Variants in TMEM132D observed in about 807,000 individuals in gnomAD.
TMEM132D encodes mature OL transmembrane protein.
TMEM132D carries 21 observed loss-of-function variants against 62.3 expected under a neutral mutation model. The observed-to-expected ratio is 0.34, with a 90% CI of 0.24 to 0.49. The LOEUF is 0.49. Among genes scored for constraint, TMEM132D ranks in the 20% least tolerant of loss-of-function variants. TMEM132D has a pLI of 0.99. For synonymous variants in TMEM132D, 621 were observed against 575.6 expected (o/e 1.08, Z -1.13); for missense variants, 1,346 against 1,402.8 (o/e 0.96, Z 0.65).
intron 2 of TMEM132D, among the ~76,000 whole-genome samples, chr12:129,607,101 T>C (rs1452966523): frequency 2.6e-5 from 4 of 151,496 alleles, no homozygotes; most frequent in East Asian, 1.9e-4. Flanking sequence ...CACTCTGCAA[T>C]TGGGGAGGGT....
chr12:129,342,636 G>A (rs184284649), intron 3 of TMEM132D, among the ~76,000 whole-genome samples: 4 of 152,148 alleles, frequency 2.6e-5, no homozygotes, highest in East Asian at 3.9e-4. Flanking sequence ...GAGTGAACAG[G>A]CAACCTACAG....
At chr12:129,159,287 T>C (rs1308826271) in intron 5 of TMEM132D, among the ~76,000 whole-genome samples, 3 of 152,096 alleles carry the variant, frequency 2.0e-5, no homozygotes, top group Non-Finnish European at 4.4e-5. Context: ...ACCACATGAG[T>C]GCAAGTGATG....
rs117734035 is a variant in TMEM132D at position 129,556,418 on chromosome 12, G to A, written c.969-25213C>T. Among the ~76,000 whole-genome samples the A allele has an allele frequency of 4.6e-3, 692 of 152,002 alleles. 13 individuals carry two copies. The South Asian group carries it at 0.051, about 11-fold the overall frequency. On this transcript the variant is annotated intron_variant, in intron 2 of 8. Coordinates refer to ENST00000422113, the MANE Select transcript of TMEM132D (RefSeq NM_133448.3). ...GAGCGCAAATCCTAGCATGTCTCTC[G>A]CCAGAACACTGGTTCTTATCATGTC...
chr12:129,647,125 T>C (rs200869225), intron 2 of TMEM132D, among the ~76,000 whole-genome samples: 8 of 119,858 alleles, frequency 6.7e-5, no homozygotes, highest in East Asian at 5.4e-4. Flanking sequence ...TACATACATA[T>C]ATATATATAT....
At chr12:129,321,404 C>T (rs1593336445) in intron 4 of TMEM132D, among the ~76,000 whole-genome samples, 1 of 152,172 alleles carries the variant, frequency 6.6e-6, no homozygotes, top group African/African-American at 2.4e-5. Context: ...ATAGGTTTTT[C>T]GTCTTGAGAG....
At chr12:129,517,482 A>G (rs11060385) in intron 3 of TMEM132D, among the ~76,000 whole-genome samples, 9,373 of 152,170 alleles carry the variant, frequency 0.062, 494 homozygotes, top group East Asian at 0.16. Context: ...GGGGGTGAGG[A>G]AGACAGAGAA....
At chr12:129,219,948 T>C (rs1349282672) in intron 4 of TMEM132D, among the ~76,000 whole-genome samples, 1 of 152,152 alleles carries the variant, frequency 6.6e-6, no homozygotes, top group East Asian at 1.9e-4. Context: ...TCTTACTCTC[T>C]TCCTGGTGTG....
At chr12:129,374,178 A>G (rs891032938) in intron 3 of TMEM132D, among the ~76,000 whole-genome samples, 37 of 151,702 alleles carry the variant, frequency 2.4e-4, no homozygotes, top group African/African-American at 8.7e-4. Context: ...TGGAAGATGG[A>G]AGGTCTGAGA....
chr12:129,487,188 C>G (rs1171061223), intron 3 of TMEM132D, among the ~76,000 whole-genome samples: 2 of 152,062 alleles, frequency 1.3e-5, no homozygotes, highest in Non-Finnish European at 2.9e-5. Flanking sequence ...AGAACAGCCC[C>G]AGCGTGCATG....
At chr12:129,794,253 A>AATT (rs758777366) in intron 1 of TMEM132D, among the ~76,000 whole-genome samples, 1 of 111,576 alleles carries the variant, frequency 9.0e-6, no homozygotes, top group Non-Finnish European at 1.8e-5. Context: ...CATGCCCAGC[A>AATT]TTTTTTTTTT....
chr12:129,120,223 C>A (rs1876015376), intron 5 of TMEM132D, among the ~76,000 whole-genome samples: 1 of 152,056 alleles, frequency 6.6e-6, no homozygotes, highest in Non-Finnish European at 1.5e-5. Context: ...GCCACTACAC[C>A]TACATGGTGA....
intron 4 of TMEM132D, among the ~76,000 whole-genome samples, chr12:129,318,056 G>C (rs184680691): frequency 4.6e-5 from 7 of 151,940 alleles, no homozygotes; most frequent in African/African-American, 1.5e-4. Flanking sequence ...TTGTATCATT[G>C]TTTGGATTTC....
intron 2 of TMEM132D, among the ~76,000 whole-genome samples, chr12:129,574,510 G>C (rs1011678672): frequency 2.0e-5 from 3 of 151,950 alleles, no homozygotes; most frequent in Non-Finnish European, 4.4e-5. Context: ...TGCTACATTA[G>C]CCAGAGCAGC....
At chr12:129,314,386 TTA>T (rs1444231088) in intron 4 of TMEM132D, among the ~76,000 whole-genome samples, 1 of 152,162 alleles carries the variant, frequency 6.6e-6, no homozygotes, top group East Asian at 1.9e-4. Context: ...TTTCCCCACT[TTA>T]TGTTTTTGTT....
intron 4 of TMEM132D, among the ~76,000 whole-genome samples, chr12:129,293,966 GA>G (rs1479611674): frequency 6.6e-6 from 1 of 152,166 alleles, no homozygotes; most frequent in African/African-American, 2.4e-5. Context: ...ATGAAGAGGA[GA>G]GGGGGGCCCC....
chr12:129,110,421 T>G (rs938088988), intron 5 of TMEM132D: 2 of 152,236 alleles, frequency 1.3e-5, no homozygotes, highest in Non-Finnish European at 2.9e-5. Context: ...CCTATTAACC[T>G]TGAGTGAGTC....
intron 1 of TMEM132D, among the ~76,000 whole-genome samples, chr12:129,732,673 T>C (rs1869288599): frequency 6.6e-6 from 1 of 152,232 alleles, no homozygotes; most frequent in Admixed American, 6.5e-5. Context: ...GCTGGTGTTA[T>C]GCTTTCTGTA....
At chr12:129,793,899 T>C (rs1284584404) in intron 1 of TMEM132D, among the ~76,000 whole-genome samples, 2 of 152,204 alleles carry the variant, frequency 1.3e-5, no homozygotes, top group African/African-American at 2.4e-5. Context: ...CCTATGGTGT[T>C]GTAGACACAT....
intron 5 of TMEM132D, among the ~76,000 whole-genome samples, chr12:129,180,908 G>A (rs1565989243): frequency 6.6e-6 from 1 of 152,118 alleles, no homozygotes; most frequent in Non-Finnish European, 1.5e-5. Flanking sequence ...GCTACAGAGA[G>A]GAGTCTAGAA....
Sources: allele counts gnomAD v4.1 joint callset (sites outside exome capture counted in the v4.1 genomes callset), GRCh38; gene constraint gnomAD v4.1.1; transcripts MANE v1.5; gene names NCBI Gene and HGNC (gene_info 2026-07-23, HGNC 2026-07-21).